KCNH2: variants seen among roughly 807,000 people sequenced by gnomAD.
The protein encoded by KCNH2 is voltage-gated inwardly rectifying potassium channel KCNH2.
A neutral mutation model predicts 95.9 loss-of-function variants in KCNH2; 35 were observed. That is an observed-to-expected ratio of 0.37 (90% CI 0.28 to 0.48). KCNH2 has a LOEUF of 0.48. Ranked by LOEUF, KCNH2 falls within the 20% of genes least tolerant of loss-of-function variation. KCNH2 has a pLI of 0.99. For synonymous variants in KCNH2, 786 were observed against 754.7 expected (o/e 1.04, Z -0.68); for missense variants, 1,274 against 1,702.9 (o/e 0.75, Z 4.43).
At chr7:150,951,214 A>C in intron 7 of KCNH2, 94 bp from the exon 8 acceptor site, 1 of 1,175,814 alleles carries the variant, frequency 8.5e-7, no homozygotes, top group Non-Finnish European at 1.2e-6. Flanking sequence ...TCAGTGTCTC[A>C]GTCTCAGCGT....
intron 5 of KCNH2, among the ~76,000 whole-genome samples, chr7:150,953,140 C>T (rs185986507): frequency 6.4e-4 from 98 of 152,266 alleles, no homozygotes; most frequent in African/African-American, 1.4e-3. Context: ...TGCTGCTCCC[C>T]GCCGGCAATG....
In KCNH2 at chr7:150,963,773, G is replaced by A. The variant is rs1459065172; in HGVS notation, c.308-4037C>T. Reference sequence around the variant, plus strand: ...GCTCCTTAGAACCCCCGTGCCTTTGGGCCCAATGGCCTGGGTGAGGCAGGC... The same window carrying A: ...GCTCCTTAGAACCCCCGTGCCTTTGAGCCCAATGGCCTGGGTGAGGCAGGC... On this transcript the variant is annotated intron_variant, in intron 2 of 14. Coordinates refer to ENST00000262186, the MANE Select transcript of KCNH2 (RefSeq NM_000238.4). 2.6e-5 allele frequency among the ~76,000 whole-genome samples: 4 copies of A among 152,156 alleles called. 1 individual carries two copies. Among genetic ancestry groups the A allele is most frequent in the East Asian group, 1.9e-4 (1 of 5,184 alleles).
chr7:150,948,712 G>A (rs1801018752), intron 10 of KCNH2, 144 bp downstream of exon 10: 2 of 1,077,986 alleles, frequency 1.9e-6, no homozygotes, highest in African/African-American at 3.1e-5. Context: ...CTGAGTTTGG[G>A]ACTTTTGTAG....
intron 5 of KCNH2, chr7:150,955,271 A>G (rs1801326804): frequency 6.1e-6 from 6 of 989,876 alleles, no homozygotes; most frequent in Non-Finnish European, 1.6e-6. Flanking sequence ...GCCAGGCCCC[A>G]CGGCTCCCAA....
chr7:150,947,828 C>T lies in KCNH2; in HGVS notation c.2743G>A (p.Ala915Thr). The change falls in exon 12 of 15, where the codon GCA (alanine) becomes ACA (threonine). Residue 915 changes from alanine to threonine, a missense_variant. Ala to Thr is a moderately conservative substitution (Grantham distance 58). Around this residue, in one of 7 missense-constraint regions of KCNH2, gnomAD observed 457 missense variants for 416.1 expected, o/e 1.10. Coordinates refer to ENST00000262186, the MANE Select transcript of KCNH2 (RefSeq NM_000238.4). ...VSALGPGRAG[A>T]GPSSRGRPGG... ...GGCCGGCCCCGGCTACTCGGCCCTGCCCCCGCCCGGCCCGGCCCCAAGGCC... is the reference window on the plus strand; with the variant it reads ...GGCCGGCCCCGGCTACTCGGCCCTGTCCCCGCCCGGCCCGGCCCCAAGGCC... 5 of 1,525,748 alleles carry T rather than the reference C, an allele frequency of 3.3e-6. No individual in the cohort carries two copies. The highest frequency in any genetic ancestry group is 1.4e-5 in the African/African-American group (1 of 72,828). 94.5% of individuals were successfully genotyped at this position (1,525,748 alleles called of 1,614,324 possible). A position where few individuals can be genotyped will look rare whatever the true frequency, so the allele number is the denominator to read the frequency against.
At position 150,952,388 on chromosome 7, in the gene KCNH2, C is replaced by T; in HGVS notation, c.1557+37G>A. 1 of 1,603,738 alleles carries T rather than the reference C, an allele frequency of 6.2e-7. No individual in the cohort carries two copies. Among genetic ancestry groups the T allele is most frequent in the Non-Finnish European group, 8.5e-7 (1 of 1,173,598 alleles). Reference sequence around the variant, plus strand: ...ACCTCCCACCACATTCCTGGCCTCTCCTCTCCCTACACCACCTGCCTCCTT... The same window carrying T: ...ACCTCCCACCACATTCCTGGCCTCTTCTCTCCCTACACCACCTGCCTCCTT... On this transcript the variant is annotated intron_variant, in intron 6 of 14. Coordinates refer to ENST00000262186, the MANE Select transcript of KCNH2 (RefSeq NM_000238.4). This position sits in a 1 kb window ranked among gnomAD's most constrained non-coding sequence, Gnocchi z 7.3.
Position 150,958,413 on chromosome 7 carries a change from C to T in KCNH2, c.562G>A (p.Ala188Thr), listed in dbSNP as rs1273532552. 2.8e-6 allele frequency: 4 copies of T among 1,432,860 alleles called. No individual in the cohort carries two copies. Among genetic ancestry groups the T allele is most frequent in the Non-Finnish European group, 3.6e-6 (4 of 1,102,694 alleles). 88.8% of individuals were successfully genotyped at this position (1,432,860 alleles called of 1,614,324 possible). The change falls in exon 4 of 15, where the codon GCG (alanine) becomes ACG (threonine). Residue 188 changes from alanine to threonine, a missense_variant. By Grantham distance (58) the Ala-to-Thr change is moderately conservative. Transcript: ENST00000262186. ...ACCACCACGGCCCCCGGGGCGCCCG[C>T]GCCGCCCGCGCCGCCCGACCGCACC... Reference protein sequence around the residue: ...SSVRSGGAGGAGAPGAVVVDV... With the variant: ...SSVRSGGAGGTGAPGAVVVDV...
At chr7:150,953,441 G>C (rs563302919) in intron 5 of KCNH2, among the ~76,000 whole-genome samples, 2 of 152,068 alleles carry the variant, frequency 1.3e-5, no homozygotes, top group Non-Finnish European at 2.9e-5. Flanking sequence ...ACACAGGTCC[G>C]GGACAGCCCA....
chr7:150,948,812 C>T (rs1801022067), intron 10 of KCNH2, 44 bp downstream of exon 10: 6 of 1,572,998 alleles, frequency 3.8e-6, no homozygotes, highest in Non-Finnish European at 5.2e-6. Context: ...AGCCACACAG[C>T]TGGAAGCAGG....
chr7:150,958,484 C>G lies in KCNH2; in HGVS notation c.491G>C (p.Arg164Pro). 1 of 1,472,532 alleles carries G rather than the reference C, an allele frequency of 6.8e-7. No individual in the cohort carries two copies. The allele number at this position is 1,472,532 out of a possible 1,614,324, so 91.2% of individuals were successfully genotyped here. Residue 164 changes from arginine to proline, a missense_variant, in exon 4 of 15, where the codon CGC becomes CCC. Physicochemically the swap from Arg to Pro is moderately radical, Grantham distance 103. Transcript: ENST00000262186. ...WLAPGRAKTF[R>P]LKLPALLALT... ...CGCCAGCAGCGCGGGCAGCTTCAGG[C>G]GGAAGGTCTTGGCGCGGCCTGCGGG...
At chr7:150,959,036 G>A (rs954266706) in intron 3 of KCNH2, among the ~76,000 whole-genome samples, 4 of 152,220 alleles carry the variant, frequency 2.6e-5, no homozygotes, top group African/African-American at 9.6e-5. Flanking sequence ...ACAGAGGAAG[G>A]GGCTCCGAGC....
At chr7:150,950,472 C>A in intron 8 of KCNH2, 52 bp from the exon 9 acceptor site, 1 of 1,598,244 alleles carries the variant, frequency 6.3e-7, no homozygotes, top group South Asian at 1.1e-5. Context: ...GACCCCCCAA[C>A]CCACACTCTA....
At chr7:150,957,539 A>G (rs1445608102) in intron 4 of KCNH2, 37 bp from the exon 5 acceptor site, 2 of 1,520,814 alleles carry the variant, frequency 1.3e-6, no homozygotes, top group Non-Finnish European at 1.8e-6. Context: ...CCAGCAGCCC[A>G]GGGCCCCAGG....
chr7:150,945,560 G>A lies in KCNH2; in HGVS notation c.3331-46C>T. On this transcript the variant is annotated intron_variant, in intron 14 of 14. Coordinates refer to ENST00000262186, the MANE Select transcript of KCNH2 (RefSeq NM_000238.4). The surrounding 1 kb of genome is among the most constrained non-coding windows in gnomAD (Gnocchi z 5.6). ...GGGCAGGCGAAGAGGCCATGGAGGA[G>A]GAGGAAGGGGAGGGAAAGGGGCAGG... is the stretch of plus-strand genomic sequence containing the variant. 4 of 1,546,122 alleles carry A rather than the reference G, an allele frequency of 2.6e-6. No individual in the cohort carries two copies. The highest frequency in any genetic ancestry group is 3.5e-6 in the Non-Finnish European group (4 of 1,141,652).
chr7:150,959,872 C>T (rs1328554693), intron 2 of KCNH2, 136 bp from the exon 3 acceptor site: 2 of 979,012 alleles, frequency 2.0e-6, no homozygotes, highest in East Asian at 5.2e-5. Context: ...TCCGGGATCT[C>T]CCGTCCTGAT....
Position 150,947,525 on chromosome 7 carries a change from A to C in KCNH2, c.2966-11T>G. On this transcript the variant is annotated splice_polypyrimidine_tract_variant and intron_variant, in intron 12 of 14. Transcript: ENST00000262186. ...CTCCTGAGAAGGCGCCTGCAGCCAG[A>C]GAGCAGAGCTGGGTGAGCGGGGTAG... The C allele has an allele frequency of 1.3e-6, 2 of 1,598,366 alleles. No homozygotes were observed. Among genetic ancestry groups the C allele is most frequent in the Non-Finnish European group, 1.7e-6 (2 of 1,173,224 alleles).
chr7:150,957,832 C>A (rs890993359), intron 4 of KCNH2, among the ~76,000 whole-genome samples: 21 of 152,200 alleles, frequency 1.4e-4, no homozygotes, highest in African/African-American at 5.1e-4. Flanking sequence ...ACAGCCAGCT[C>A]CAGGGGCCCA....
rs41309014 is a variant in KCNH2, at chr7:150,978,211, C to T, written c.-298G>A. 1 of 146,554 alleles carries T rather than the reference C, an allele frequency of 6.8e-6. No homozygotes were observed. The highest frequency in any genetic ancestry group is 2.4e-5 in the African/African-American group (1 of 40,824). The allele number at this position is 146,554 out of a possible 1,614,324, so 9.1% of individuals were successfully genotyped here. Reference sequence around the variant, plus strand: ...CTCCGCCGCGTCCCCGCGCTGCGCTCCGCCCGCCCGAGCCCCGGACTCCTG... The same window carrying T: ...CTCCGCCGCGTCCCCGCGCTGCGCTTCGCCCGCCCGAGCCCCGGACTCCTG... On this transcript the variant is annotated 5_prime_UTR_variant, in exon 1 of 15. Coordinates refer to ENST00000262186, the MANE Select transcript of KCNH2 (RefSeq NM_000238.4).
At chr7:150,948,408 C>T (rs1181863696) in intron 11 of KCNH2, 36 bp downstream of exon 11, 220 of 967,274 alleles carry the variant, frequency 2.3e-4, no homozygotes, top group Admixed American at 1.2e-3. Context: ...CTCACCTTGT[C>T]CCCGCCCTCC....
Sources: allele counts gnomAD v4.1 joint callset (sites outside exome capture counted in the v4.1 genomes callset), GRCh38; gene constraint gnomAD v4.1.1; regional missense constraint gnomAD v4.1.1; non-coding constraint Gnocchi (gnomAD v3.1); transcripts MANE v1.5; gene names NCBI Gene and HGNC (gene_info 2026-07-23, HGNC 2026-07-21).